The following UBE2E3 variants were observed in gnomAD, a reference collection of about 807,000 sequenced individuals.
UBE2E3 encodes the protein ubiquitin-conjugating enzyme E2 E3.
UBE2E3 carries 5 observed loss-of-function variants against 23.6 expected under a neutral mutation model. That is an observed-to-expected ratio of 0.21 (90% CI 0.11 to 0.44). UBE2E3 has a LOEUF of 0.44. UBE2E3 is among the 20% of genes least tolerant of loss of function. UBE2E3 has a pLI of 0.99. For synonymous variants in UBE2E3, 78 were observed against 87.5 expected (o/e 0.89, Z 0.60); for missense variants, 81 against 249.8 (o/e 0.32, Z 4.55).
chr2:181,015,580 AG>A (rs1685460961), intron 3 of UBE2E3, among the ~76,000 whole-genome samples: 1 of 152,182 alleles, frequency 6.6e-6, no homozygotes, highest in Admixed American at 6.6e-5. Flanking sequence ...AAAAATGAAC[AG>A]TTTTCATTAT....
intron 3 of UBE2E3, among the ~76,000 whole-genome samples, chr2:181,033,488 T>C (rs182820218): frequency 6.6e-6 from 1 of 152,326 alleles, no homozygotes; most frequent in Admixed American, 6.5e-5. Flanking sequence ...TGTAGAAAGC[T>C]GAAACTGGAT....
intron 3 of UBE2E3, among the ~76,000 whole-genome samples, chr2:181,037,127 A>G (rs988314538): frequency 6.6e-5 from 10 of 152,360 alleles, no homozygotes; most frequent in African/African-American, 2.4e-4. Context: ...TAGTCATCGT[A>G]GCATCGTCAG....
At chr2:181,015,682 A>G (rs985831236) in intron 3 of UBE2E3, among the ~76,000 whole-genome samples, 4 of 152,178 alleles carry the variant, frequency 2.6e-5, no homozygotes, top group East Asian at 1.9e-4. Flanking sequence ...TTAGGAAGTC[A>G]CTAGGAAAAA....
At chr2:181,057,598 G>T in intron 3 of UBE2E3, 95 bp from the exon 4 acceptor site, 1 of 1,027,132 alleles carries the variant, frequency 9.7e-7, no homozygotes, top group Non-Finnish European at 1.4e-6. Flanking sequence ...TATTGCTCTA[G>T]ATTGCTAATT....
chr2:181,026,691 C>A (rs1426005339), intron 3 of UBE2E3, among the ~76,000 whole-genome samples: 5 of 151,712 alleles, frequency 3.3e-5, no homozygotes, highest in Admixed American at 6.6e-5. Context: ...TTTGTTCCGC[C>A]ATTACTTCAG....
intron 3 of UBE2E3, among the ~76,000 whole-genome samples, chr2:181,042,757 G>T (rs1447379170): frequency 1.3e-5 from 2 of 152,176 alleles, no homozygotes; most frequent in African/African-American, 4.8e-5. Context: ...GGCCAAATGT[G>T]CTAAGTATCT....
At chr2:180,983,367 G>T (rs1440806622) in intron 2 of UBE2E3, among the ~76,000 whole-genome samples, 1 of 152,158 alleles carries the variant, frequency 6.6e-6, no homozygotes, top group Admixed American at 6.5e-5. Flanking sequence ...CACATCTAAA[G>T]TTTTGAAATC....
chr2:180,984,770 A>G (rs773595242), intron 3 of UBE2E3, among the ~76,000 whole-genome samples: 14 of 152,128 alleles, frequency 9.2e-5, no homozygotes, highest in Admixed American at 1.3e-4. Flanking sequence ...ATTTAAGATT[A>G]TTGGTTGGTA....
At chr2:181,009,795 A>G (rs990576026) in intron 3 of UBE2E3, among the ~76,000 whole-genome samples, 1 of 152,132 alleles carries the variant, frequency 6.6e-6, no homozygotes, top group Non-Finnish European at 1.5e-5. Context: ...GTACTATTTT[A>G]TGGATTTGTT....
chr2:181,029,839 CT>C (rs546001645), intron 3 of UBE2E3, among the ~76,000 whole-genome samples: 29,680 of 131,684 alleles, frequency 0.23, 3,014 homozygotes, highest in Non-Finnish European at 0.28. Flanking sequence ...AATTCGGTCC[CT>C]TTTTTTTTTT....
chr2:181,001,468 C>T (rs540674726), intron 3 of UBE2E3, among the ~76,000 whole-genome samples: 1 of 152,042 alleles, frequency 6.6e-6, no homozygotes. Context: ...GAGGGTGGGA[C>T]ATCAAGAAGT....
At chr2:181,046,346 C>T (rs1211508057) in intron 3 of UBE2E3, among the ~76,000 whole-genome samples, 1 of 152,108 alleles carries the variant, frequency 6.6e-6, no homozygotes, top group Non-Finnish European at 1.5e-5. Context: ...GCAGAAGATA[C>T]ATTTCCATAC....
At chr2:181,024,462 A>G (rs56386819) in intron 3 of UBE2E3, among the ~76,000 whole-genome samples, 6,177 of 152,234 alleles carry the variant, frequency 0.041, 239 homozygotes, top group African/African-American at 0.098. Context: ...TAAACAAGCA[A>G]TAAGCAGATT....
At chr2:181,061,715 C>T (rs1000154647) in intron 5 of UBE2E3, among the ~76,000 whole-genome samples, 1 of 151,062 alleles carries the variant, frequency 6.6e-6, no homozygotes, top group Non-Finnish European at 1.5e-5. Flanking sequence ...ACTTGGGTAG[C>T]TGACTTGATA....
At chr2:181,002,389 G>C (rs1446158705) in intron 3 of UBE2E3, among the ~76,000 whole-genome samples, 1 of 152,130 alleles carries the variant, frequency 6.6e-6, no homozygotes, top group Non-Finnish European at 1.5e-5. Flanking sequence ...AAAGTACATA[G>C]AGAATGTTTA....
chr2:181,049,114 TCTTTATGTCAC>T (rs1451884103), intron 3 of UBE2E3, among the ~76,000 whole-genome samples: 7 of 152,052 alleles, frequency 4.6e-5, no homozygotes, highest in Non-Finnish European at 1.0e-4. Context: ...ATAAAGATAT[TCTTTATGTCAC>T]CATTAGCAGA....
At chr2:181,058,952 T>C (rs1051745168) in intron 4 of UBE2E3, among the ~76,000 whole-genome samples, 1 of 151,724 alleles carries the variant, frequency 6.6e-6, no homozygotes, top group Non-Finnish European at 1.5e-5. Flanking sequence ...GGAAGATTAA[T>C]TGAAGAAAAA....
intron 3 of UBE2E3, among the ~76,000 whole-genome samples, chr2:181,045,401 C>T (rs1420016705): frequency 6.6e-6 from 1 of 152,184 alleles, no homozygotes; most frequent in Non-Finnish European, 1.5e-5. Flanking sequence ...TAGCTTCTTA[C>T]ATCTTTCTGC....
chr2:181,057,659 A>G lies in UBE2E3; in HGVS notation c.246-34A>G, dbSNP rs199993204. 4.6e-4 allele frequency: 712 copies of G among 1,561,788 alleles called. 1 individual carries two copies. Among genetic ancestry groups the G allele is most frequent in the Non-Finnish European group, 5.8e-4 (664 of 1,138,276 alleles). ...GGATATTAACATTCATTGCTAATATATGTACATACTGATTTTTAATTTCTT... is the reference window on the plus strand; with the variant it reads ...GGATATTAACATTCATTGCTAATATGTGTACATACTGATTTTTAATTTCTT... On this transcript the variant is annotated intron_variant, in intron 3 of 5. Coordinates refer to ENST00000410062, the MANE Select transcript of UBE2E3 (RefSeq NM_006357.4).
Sources: allele counts gnomAD v4.1 joint callset (sites outside exome capture counted in the v4.1 genomes callset), GRCh38; gene constraint gnomAD v4.1.1; transcripts MANE v1.5; gene names NCBI Gene and HGNC (gene_info 2026-07-23, HGNC 2026-07-21).